The following DHRS4L2 variants were observed in gnomAD, a reference collection of about 807,000 sequenced individuals.
DHRS4L2 encodes the protein dehydrogenase/reductase 4 like 2, also known as dehydrogenase/reductase SDR family member 4-like 2.
A neutral mutation model predicts 23.9 loss-of-function variants in DHRS4L2; 22 were observed. That is an observed-to-expected ratio of 0.92 (90% CI 0.66 to 1.31). The LOEUF (loss-of-function observed/expected upper bound fraction) is 1.31, where lower values mean the gene tolerates loss of function less well. DHRS4L2 is among the 40% of genes most tolerant of loss of function. The probability of loss-of-function intolerance (pLI) is 0.00; values close to 1 mark genes in which losing one functional copy is unlikely to be tolerated. For synonymous variants in DHRS4L2, 141 were observed against 123.7 expected (o/e 1.14, Z -0.93); for missense variants, 385 against 303.3 (o/e 1.27, Z -2.00).
intron 1 of DHRS4L2, among the ~76,000 whole-genome samples, chr14:23,989,465 T>G (rs2034220372): frequency 6.6e-6 from 1 of 151,438 alleles, no homozygotes; most frequent in African/African-American, 2.4e-5. Flanking sequence ...CTATTTGGGC[T>G]CCAGAAAGTG....
chr14:23,991,731 C>A (rs1422887707), intron 2 of DHRS4L2, among the ~76,000 whole-genome samples: 1 of 141,074 alleles, frequency 7.1e-6, no homozygotes, highest in East Asian at 2.5e-4. Flanking sequence ...CCATGGGCCT[C>A]CATATCTTTT....
intron 1 of DHRS4L2, among the ~76,000 whole-genome samples, chr14:23,976,421 C>CTT (rs2033965834): frequency 6.6e-6 from 1 of 151,734 alleles, no homozygotes; most frequent in Non-Finnish European, 1.5e-5. Context: ...TCTCACAACA[C>CTT]TTAGAATGGC....
At chr14:23,972,516 T>C (rs138436891) in intron 1 of DHRS4L2, among the ~76,000 whole-genome samples, 27,260 of 150,766 alleles carry the variant, frequency 0.18, 3,233 homozygotes, top group East Asian at 0.33. Flanking sequence ...TTGCAAAGAG[T>C]GAAAGAACAA....
chr14:23,997,962 A>G (rs1055069722), intron 3 of DHRS4L2, among the ~76,000 whole-genome samples: 73 of 151,802 alleles, frequency 4.8e-4, no homozygotes, highest in Admixed American at 7.2e-4. Flanking sequence ...CTATAGCCTT[A>G]CAAAATGTAT....
chr14:23,996,319 T>C (rs1046723823), intron 3 of DHRS4L2, among the ~76,000 whole-genome samples: 4 of 151,442 alleles, frequency 2.6e-5, no homozygotes, highest in African/African-American at 9.7e-5. Flanking sequence ...AACACTAAAG[T>C]ATCAGGTTGC....
At chr14:23,995,676 G>C (rs61999855) in intron 3 of DHRS4L2, among the ~76,000 whole-genome samples, 3,424 of 151,820 alleles carry the variant, frequency 0.023, 103 homozygotes, top group Middle Eastern at 0.054. Flanking sequence ...CTGAGATCCA[G>C]ATGTCTAAAT....
chr14:23,995,024 C>T lies in DHRS4L2; in HGVS notation c.307-8C>T. On this transcript the variant is annotated splice_polypyrimidine_tract_variant and splice_region_variant and intron_variant, in intron 2 of 7. Transcript: ENST00000335125. ...CAGCCCTGGTCCAGACCTTACCCCT[C>T]TCTCTAGGCTGTGAAGCTTCATGGA... 3 of 1,612,796 alleles carry T rather than the reference C, an allele frequency of 1.9e-6. No homozygotes were observed. The highest frequency in any genetic ancestry group is 1.7e-4 in the Middle Eastern group (1 of 6,058).
chr14:23,982,506 C>G (rs1320182676), intron 1 of DHRS4L2, among the ~76,000 whole-genome samples: 1 of 150,320 alleles, frequency 6.7e-6, no homozygotes, highest in South Asian at 2.1e-4. Flanking sequence ...CAAGACAATC[C>G]AAAGCAAAAA....
Position 24,006,040 on chromosome 14 carries a change from C to T in DHRS4L2, c.*177C>T, listed in dbSNP as rs755837709. ...CCCACAGGCCAGAGTTGGGCTCTAG[C>T]TCCTGGTGCTGTTCCTGCATTCACC... On this transcript the variant is annotated 3_prime_UTR_variant, in exon 8 of 8. Transcript: ENST00000335125. 1.9e-6 allele frequency: 3 copies of T among 1,599,524 alleles called. No homozygotes were observed. Among genetic ancestry groups the T allele is most frequent in the African/African-American group, 2.7e-5 (2 of 72,888 alleles).
In DHRS4L2 at chr14:23,989,245, C is replaced by CCCTGGGA. The variant is rs200698876; in HGVS notation, c.128+173_128+174insGGGACCT. On this transcript the variant is annotated intron_variant, in intron 1 of 7. Coordinates refer to ENST00000335125, the MANE Select transcript of DHRS4L2 (RefSeq NM_198083.4). ...CCTGAAGCCCCTCCGAATACCCTGGCCCTCCCTTGCCAGCCCTTCTGTCCC... is the reference window on the plus strand; with the variant it reads ...CCTGAAGCCCCTCCGAATACCCTGGCCCTGGGACCTCCCTTGCCAGCCCTTCTGTCCC... 5.0e-3 allele frequency among the ~76,000 whole-genome samples: 733 copies of CCCTGGGA among 146,230 alleles called. 16 individuals are homozygous for CCCTGGGA. The highest frequency in any genetic ancestry group is 0.019 in the African/African-American group (685 of 36,418).
intron 2 of DHRS4L2, among the ~76,000 whole-genome samples, chr14:23,994,661 C>G (rs1247810708): frequency 6.6e-6 from 1 of 151,640 alleles, no homozygotes; most frequent in Non-Finnish European, 1.5e-5. Context: ...GTGCTCCAGT[C>G]TGGATGACAG....
chr14:23,994,660 T>C (rs1392831962), intron 2 of DHRS4L2, among the ~76,000 whole-genome samples: 3 of 151,534 alleles, frequency 2.0e-5, no homozygotes, highest in Admixed American at 1.3e-4. Flanking sequence ...TGTGCTCCAG[T>C]CTGGATGACA....
At chr14:24,005,824 C>G (rs748923836) in intron 7 of DHRS4L2, 62 bp from the exon 8 acceptor site, 5 of 1,596,670 alleles carry the variant, frequency 3.1e-6, no homozygotes, top group Non-Finnish European at 4.3e-6. Flanking sequence ...TCCCCGTGTC[C>G]CAGGTGAGGG....
At chr14:23,982,229 A>C (rs12587991) in intron 1 of DHRS4L2, among the ~76,000 whole-genome samples, 2 of 151,560 alleles carry the variant, frequency 1.3e-5, no homozygotes, top group African/African-American at 4.8e-5. Flanking sequence ...ATTGAGACTG[A>C]AGAATGGTGA....
At chr14:23,991,039 T>TG (rs746064964) in intron 2 of DHRS4L2, 16 of 314,812 alleles carry the variant, frequency 5.1e-5, no homozygotes, top group Admixed American at 1.9e-4. Context: ...GAAGCAACTA[T>TG]GAAGCATTCA....
At chr14:23,994,925 A>C in intron 2 of DHRS4L2, 107 bp from the exon 3 acceptor site, 1 of 1,359,302 alleles carries the variant, frequency 7.4e-7, no homozygotes, top group South Asian at 1.3e-5. Flanking sequence ...CTATGATTAC[A>C]GGCATGAGCC....
In DHRS4L2 at chr14:24,000,993, G is replaced by C. The variant is rs563626521; in HGVS notation, c.480-40G>C. On this transcript the variant is annotated intron_variant, in intron 4 of 7. Transcript: ENST00000335125. ...GACCCCACACAGGCTGAGGGCAGTGGTCCACACTGGGAAGACGGTCAGCTC... is the reference window on the plus strand; with the variant it reads ...GACCCCACACAGGCTGAGGGCAGTGCTCCACACTGGGAAGACGGTCAGCTC... 12 of 1,611,384 alleles carry C rather than the reference G, an allele frequency of 7.4e-6. 1 individual carries two copies. The South Asian group carries it at 1.2e-4, about 16-fold the overall frequency.
chr14:23,987,658 A>G (rs571585023), upstream of DHRS4L2, among the ~76,000 whole-genome samples: 1 of 151,832 alleles, frequency 6.6e-6, no homozygotes, highest in South Asian at 2.1e-4. Context: ...GAAACAAAAC[A>G]CTAACACACA....
intron 3 of DHRS4L2, among the ~76,000 whole-genome samples, chr14:23,998,461 T>C (rs1186139911): frequency 6.6e-6 from 1 of 150,604 alleles, no homozygotes; most frequent in Non-Finnish European, 1.5e-5. Flanking sequence ...TTCATCTACA[T>C]TGAAAATCTG....
Sources: allele counts gnomAD v4.1 joint callset (sites outside exome capture counted in the v4.1 genomes callset), GRCh38; gene constraint gnomAD v4.1.1; transcripts MANE v1.5; gene names NCBI Gene and HGNC (gene_info 2026-07-23, HGNC 2026-07-21).